Variants in PLCL1 observed in about 807,000 individuals in gnomAD.
PLCL1 encodes the protein inactive phospholipase C-like protein 1.
Under a neutral mutation model 84.4 loss-of-function variants are expected in PLCL1, and 41 were observed. The ratio of observed to expected loss-of-function variants is 0.49; its 90% CI spans 0.38 to 0.63. PLCL1 has a LOEUF of 0.63. PLCL1 is among the 30% of genes least tolerant of loss of function. The probability of loss-of-function intolerance (pLI) is 0.00; values close to 1 mark genes in which losing one functional copy is unlikely to be tolerated. For missense variants in PLCL1, 1,206 were observed against 1,367.8 expected (o/e 0.88, Z 1.87); for synonymous variants, 490 against 488.3 (o/e 1.00, Z -0.05).
intron 1 of PLCL1, among the ~76,000 whole-genome samples, chr2:197,932,541 C>T (rs1688958665): frequency 2.6e-5 from 4 of 152,082 alleles, no homozygotes; most frequent in Admixed American, 2.0e-4. Flanking sequence ...CCCAGCAGGC[C>T]CCAGTGTGTG....
chr2:198,107,249 A>C (rs1045617727), intron 5 of PLCL1, among the ~76,000 whole-genome samples: 1 of 151,872 alleles, frequency 6.6e-6, no homozygotes, highest in Admixed American at 6.6e-5. Context: ...TGAAAACAGC[A>C]TGAGGATAAC....
chr2:198,084,315 G>A lies in PLCL1; in HGVS notation c.798G>A (p.Glu266=). ...NGIMLEDTSV[E]LIKQLNPTLK... is the part of the protein sequence containing the mutation. Reference sequence around the variant, plus strand: ...TTATGTTGGAAGACACCTCTGTAGAGTTAATAAAACAACTCAACCCTACTC... The same window carrying A: ...TTATGTTGGAAGACACCTCTGTAGAATTAATAAAACAACTCAACCCTACTC... Residue 266 remains glutamate (E), a synonymous_variant, in exon 2 of 6, where the codon GAG becomes GAA. Transcript: ENST00000428675. 6.2e-7 allele frequency: 1 copy of A among 1,614,064 alleles called. No homozygotes were observed. The highest frequency in any genetic ancestry group is 1.1e-5 in the South Asian group (1 of 91,082).
chr2:197,903,611 G>A (rs1157292385), intron 1 of PLCL1, among the ~76,000 whole-genome samples: 2 of 142,360 alleles, frequency 1.4e-5, no homozygotes, highest in African/African-American at 2.6e-5. Flanking sequence ...AGTCTCCTGA[G>A]TAGCCGGGAC....
chr2:198,089,658 C>G (rs866175596), intron 3 of PLCL1, among the ~76,000 whole-genome samples: 1 of 152,100 alleles, frequency 6.6e-6, no homozygotes, highest in African/African-American at 2.4e-5. Context: ...TATAGCCACA[C>G]TTAGTTGCAA....
At chr2:198,104,435 C>T (rs997151563) in intron 5 of PLCL1, among the ~76,000 whole-genome samples, 3 of 151,902 alleles carry the variant, frequency 2.0e-5, no homozygotes, top group Non-Finnish European at 4.4e-5. Context: ...TTTATCCAGT[C>T]CACTATTGAC....
At chr2:197,821,448 A>C (rs1690813626) in intron 1 of PLCL1, among the ~76,000 whole-genome samples, 1 of 152,204 alleles carries the variant, frequency 6.6e-6, no homozygotes. Flanking sequence ...TTAATAAGCA[A>C]CACTAAGCAG....
At chr2:198,016,081 G>C (rs1254959602) in intron 1 of PLCL1, among the ~76,000 whole-genome samples, 3 of 152,148 alleles carry the variant, frequency 2.0e-5, no homozygotes, top group Non-Finnish European at 4.4e-5. Flanking sequence ...GCCCTGTGTA[G>C]TATCATGTAA....
intron 1 of PLCL1, among the ~76,000 whole-genome samples, chr2:197,939,854 G>T (rs1191038431): frequency 1.3e-5 from 2 of 151,238 alleles, no homozygotes; most frequent in Non-Finnish European, 2.9e-5. Context: ...GAGAGTCAAT[G>T]CCCTAGGTGG....
At chr2:197,853,756 C>A (rs756058959) in intron 1 of PLCL1, among the ~76,000 whole-genome samples, 15 of 152,122 alleles carry the variant, frequency 9.9e-5, no homozygotes, top group Non-Finnish European at 1.9e-4. Context: ...CCTGTTTCTA[C>A]CCAAGCTATA....
At chr2:197,847,574 G>A (rs1024045308) in intron 1 of PLCL1, among the ~76,000 whole-genome samples, 1 of 152,116 alleles carries the variant, frequency 6.6e-6, no homozygotes, top group African/African-American at 2.4e-5. Context: ...TAAATACTCT[G>A]ACCTAAGAGA....
intron 1 of PLCL1, among the ~76,000 whole-genome samples, chr2:197,933,766 A>G (rs551621768): frequency 2.6e-5 from 4 of 152,226 alleles, no homozygotes; most frequent in Admixed American, 2.6e-4. Context: ...GCTCTTTCTT[A>G]TTCTATATTA....
At chr2:197,959,782 C>A (rs1689572007) in intron 1 of PLCL1, among the ~76,000 whole-genome samples, 1 of 152,078 alleles carries the variant, frequency 6.6e-6, no homozygotes, top group East Asian at 1.9e-4. Flanking sequence ...GGCAACACTG[C>A]ATGACAACAG....
At chr2:197,992,022 C>T (rs916153906) in intron 1 of PLCL1, among the ~76,000 whole-genome samples, 2 of 152,024 alleles carry the variant, frequency 1.3e-5, no homozygotes, top group South Asian at 4.1e-4. Flanking sequence ...GATGAGGCCC[C>T]TTGCTTGCTT....
intron 5 of PLCL1, among the ~76,000 whole-genome samples, chr2:198,120,021 C>T (rs1559111953): frequency 1.3e-5 from 2 of 151,916 alleles, no homozygotes; most frequent in East Asian, 1.9e-4. Context: ...TCATATTGGG[C>T]GTTGTGTCCA....
At chr2:197,865,257 G>A (rs1327669087) in intron 1 of PLCL1, among the ~76,000 whole-genome samples, 2 of 152,136 alleles carry the variant, frequency 1.3e-5, no homozygotes, top group Non-Finnish European at 2.9e-5. Context: ...GGGGACGTAG[G>A]TCAGATAGTT....
At chr2:197,899,212 T>C (rs1688216448) in intron 1 of PLCL1, among the ~76,000 whole-genome samples, 1 of 152,168 alleles carries the variant, frequency 6.6e-6, no homozygotes, top group African/African-American at 2.4e-5. Flanking sequence ...TCGTGAAGAA[T>C]TTTTAGACAC....
chr2:197,965,115 T>C (rs1689701508), intron 1 of PLCL1, among the ~76,000 whole-genome samples: 1 of 152,164 alleles, frequency 6.6e-6, no homozygotes, highest in African/African-American at 2.4e-5. Flanking sequence ...TTTTTTGGCA[T>C]AGTTTGAGTA....
At chr2:198,069,245 C>T (rs1692407201) in intron 1 of PLCL1, among the ~76,000 whole-genome samples, 2 of 151,360 alleles carry the variant, frequency 1.3e-5, no homozygotes, top group South Asian at 4.2e-4. Flanking sequence ...AATCCCAGCA[C>T]TTTGGGAGAC....
intron 1 of PLCL1, among the ~76,000 whole-genome samples, chr2:197,942,351 T>A: frequency 6.6e-6 from 1 of 152,142 alleles, no homozygotes; most frequent in East Asian, 1.9e-4. Context: ...ATCTAGAAAA[T>A]TCATTCCTCC....
Sources: gnomAD v4.1 joint callset for allele counts (sites outside exome capture counted in the v4.1 genomes callset) on GRCh38, gnomAD v4.1.1 for gene constraint, MANE v1.5 for transcripts, NCBI Gene and HGNC (gene_info 2026-07-23, HGNC 2026-07-21) for gene names.